The following WFDC1 variants were observed in gnomAD, a reference collection of about 807,000 sequenced individuals.
WFDC1 encodes the protein WAP four-disulfide core domain 1, also known as WAP four-disulfide core domain protein 1.
In WFDC1, 39 loss-of-function variants were observed where a neutral mutation model predicts 32.9. The ratio of observed to expected loss-of-function variants is 1.19; its 90% confidence interval spans 0.92 to 1.55. The LOEUF is 1.55. Ranked by LOEUF, WFDC1 falls within the 40% of genes most tolerant of loss-of-function variation. The pLI, the probability that WFDC1 is intolerant of heterozygous loss-of-function variation, is 0.00. For synonymous variants in WFDC1, 184 were observed against 137.4 expected, an observed-to-expected ratio of 1.34 and a Z score of -2.37; for missense variants, 386 against 309.5, an observed-to-expected ratio of 1.25 and a Z score of -1.85.
chr16:84,319,358 C>T, intron 3 of WFDC1, 73 bp from the exon 4 acceptor site: 2 of 1,561,194 alleles, frequency 1.3e-6, no homozygotes, highest in Non-Finnish European at 1.7e-6. Context: ...CGGGAGTCTG[C>T]CTTCTAGACC....
intron 1 of WFDC1, among the ~76,000 whole-genome samples, chr16:84,299,778 G>T (rs529074898): frequency 2.6e-5 from 4 of 152,230 alleles, no homozygotes; most frequent in Admixed American, 6.5e-5. Context: ...TGGAAATGGT[G>T]GTTCAGTTTG....
intron 1 of WFDC1, among the ~76,000 whole-genome samples, chr16:84,312,060 G>T (rs1445618783): frequency 6.6e-6 from 1 of 152,136 alleles, no homozygotes; most frequent in Non-Finnish European, 1.5e-5. Context: ...AGCTACTCGG[G>T]AGGCTGAGGC....
chr16:84,318,990 CGTGT>C (rs1203591125), intron 3 of WFDC1: 6 of 207,118 alleles, frequency 2.9e-5, no homozygotes, highest in East Asian at 1.3e-4. Flanking sequence ...TGTGGGTAAG[CGTGT>C]GTGTATGTGG....
chr16:84,303,813 G>A (rs1187245296), intron 1 of WFDC1, among the ~76,000 whole-genome samples: 1 of 152,192 alleles, frequency 6.6e-6, no homozygotes, highest in Non-Finnish European at 1.5e-5. Context: ...GCAGCCATTA[G>A]CCGTCAGTCC....
At chr16:84,326,719 G>A in intron 5 of WFDC1, 163 bp from the exon 6 acceptor site, 1 of 696,190 alleles carries the variant, frequency 1.4e-6, no homozygotes, top group Non-Finnish European at 2.5e-6. Flanking sequence ...GGGGCCTGGG[G>A]AGGGAGAGGA....
chr16:84,312,609 G>C (rs1907697818), intron 1 of WFDC1, among the ~76,000 whole-genome samples: 1 of 151,884 alleles, frequency 6.6e-6, no homozygotes, highest in Non-Finnish European at 1.5e-5. Flanking sequence ...TATACATGCA[G>C]ACATATATGT....
chr16:84,309,055 C>T (rs58812281), intron 1 of WFDC1, among the ~76,000 whole-genome samples: 6,928 of 152,262 alleles, frequency 0.046, 462 homozygotes, highest in African/African-American at 0.15. Context: ...AGCCCTAGAG[C>T]CGGGATTTGA....
intron 2 of WFDC1, among the ~76,000 whole-genome samples, chr16:84,314,049 AAAAG>A (rs1168660426): frequency 1.3e-5 from 2 of 152,092 alleles, no homozygotes; most frequent in African/African-American, 2.4e-5. Flanking sequence ...CTCAAAAAAA[AAAAG>A]AAAGAAAAAG....
chr16:84,320,047 C>G (rs557041360), intron 4 of WFDC1, among the ~76,000 whole-genome samples: 1 of 152,206 alleles, frequency 6.6e-6, no homozygotes, highest in Non-Finnish European at 1.5e-5. Context: ...GATTGTTAGA[C>G]TTTACGCTGG....
chr16:84,312,927 C>T (rs759103112), intron 1 of WFDC1, 34 bp from the exon 2 acceptor site: 645 of 1,143,228 alleles, frequency 5.6e-4, no homozygotes, highest in Non-Finnish European at 6.6e-4. Flanking sequence ...CGAACGCGCG[C>T]CCCAGAGCTG....
intron 1 of WFDC1, among the ~76,000 whole-genome samples, chr16:84,305,548 C>T (rs181775259): frequency 2.6e-5 from 4 of 152,330 alleles, no homozygotes; most frequent in Admixed American, 2.6e-4. Context: ...TAGGTTTCTT[C>T]TGCATCTGCT....
At chr16:84,319,658 C>T in intron 4 of WFDC1, 87 bp downstream of exon 4, 7 of 1,523,716 alleles carry the variant, frequency 4.6e-6, no homozygotes, top group South Asian at 1.2e-5. Context: ...GGACGACCTG[C>T]CCCAGGAAGC....
At chr16:84,324,343 C>A (rs989323110) in intron 4 of WFDC1, 76 bp from the exon 5 acceptor site, 2 of 1,335,476 alleles carry the variant, frequency 1.5e-6, no homozygotes, top group East Asian at 2.3e-5. Flanking sequence ...ACAAGTAATT[C>A]CTCAGTGTTA....
chr16:84,295,207 A>G, intron 1 of WFDC1, 92 bp downstream of exon 1: 1 of 1,519,370 alleles, frequency 6.6e-7, no homozygotes, highest in African/African-American at 1.4e-5. Context: ...CTTCTCCTGT[A>G]AGTGCTCCCC....
intron 1 of WFDC1, among the ~76,000 whole-genome samples, chr16:84,307,968 C>G (rs889755632): frequency 1.3e-5 from 2 of 152,200 alleles, no homozygotes; most frequent in Admixed American, 6.5e-5. Context: ...CTGGTCTCCC[C>G]TCTGTCTTTG....
intron 1 of WFDC1, among the ~76,000 whole-genome samples, chr16:84,304,552 G>T (rs976783181): frequency 2.0e-5 from 3 of 152,146 alleles, no homozygotes; most frequent in Non-Finnish European, 2.9e-5. Flanking sequence ...TCCAGGTAAG[G>T]CATACAGAAC....
chr16:84,305,277 T>A (rs1166214335), intron 1 of WFDC1, among the ~76,000 whole-genome samples: 18 of 152,204 alleles, frequency 1.2e-4, no homozygotes, highest in Admixed American at 1.2e-3. Flanking sequence ...ACTGTGTGCC[T>A]CCGTTTCCTC....
chr16:84,295,218 C>T (rs766874203), intron 1 of WFDC1, 103 bp downstream of exon 1: 11 of 1,468,604 alleles, frequency 7.5e-6, no homozygotes, highest in South Asian at 3.9e-5. Flanking sequence ...AGTGCTCCCC[C>T]AAAACGTGGC....
intron 1 of WFDC1, among the ~76,000 whole-genome samples, chr16:84,298,835 G>GC (rs1234937475): frequency 6.6e-6 from 1 of 152,198 alleles, no homozygotes; most frequent in Non-Finnish European, 1.5e-5. Flanking sequence ...CCCGTGGGAG[G>GC]CCCTTAGGAG....
Sources: allele counts gnomAD v4.1 joint callset (sites outside exome capture counted in the v4.1 genomes callset), GRCh38; gene constraint gnomAD v4.1.1; transcripts MANE v1.5; gene names NCBI Gene and HGNC (gene_info 2026-07-23, HGNC 2026-07-21).